IQCJ: variants seen among roughly 807,000 people sequenced by gnomAD.
IQCJ encodes the protein IQ motif containing J.
In IQCJ, 9 loss-of-function variants were observed where a neutral mutation model predicts 11.0. The ratio of observed to expected loss-of-function variants is 0.82; its 90% CI spans 0.49 to 1.43. The LOEUF (loss-of-function observed/expected upper bound fraction) is 1.43, where lower values mean the gene tolerates loss of function less well. Among genes scored for constraint, IQCJ ranks in the 40% most tolerant of loss-of-function variants. IQCJ has a pLI of 0.00. For missense variants in IQCJ, 146 were observed against 133.2 expected (o/e 1.10, Z -0.47); for synonymous variants, 55 against 51.3 (o/e 1.07, Z -0.31).
At chr3:159,095,128 C>A (rs1340350126) in intron 1 of IQCJ, among the ~76,000 whole-genome samples, 1 of 151,714 alleles carries the variant, frequency 6.6e-6, no homozygotes, top group Non-Finnish European at 1.5e-5. Flanking sequence ...AATTTCTTGC[C>A]AATCAATTGC....
chr3:159,161,975 G>C (rs1721889241), intron 1 of IQCJ, among the ~76,000 whole-genome samples: 1 of 152,186 alleles, frequency 6.6e-6, no homozygotes, highest in Non-Finnish European at 1.5e-5. Flanking sequence ...GATGCCTCCA[G>C]CTTTGTTCTT....
intron 1 of IQCJ, among the ~76,000 whole-genome samples, chr3:159,106,210 TG>T (rs1478105005): frequency 1.3e-5 from 2 of 152,184 alleles, no homozygotes; most frequent in Non-Finnish European, 1.5e-5. Context: ...AGTGGAAGGC[TG>T]GGAGCTCTGT....
chr3:159,187,832 T>A (rs186862202), intron 1 of IQCJ, among the ~76,000 whole-genome samples: 1 of 152,136 alleles, frequency 6.6e-6, no homozygotes, highest in Non-Finnish European at 1.5e-5. Flanking sequence ...GAGTGAAAGC[T>A]TTTCCTCCCT....
At chr3:159,116,882 T>G (rs796480654) in intron 1 of IQCJ, among the ~76,000 whole-genome samples, 5 of 151,958 alleles carry the variant, frequency 3.3e-5, no homozygotes, top group African/African-American at 1.2e-4. Context: ...AGTTGAGATG[T>G]TCCTGAGAAG....
At position 159,102,323 on chromosome 3, in the gene IQCJ, A is replaced by G. The variant is rs923280845; in HGVS notation, c.9+32882A>G. Among the ~76,000 whole-genome samples the G allele has an allele frequency of 2.6e-4, 39 of 152,232 alleles. 1 individual carries two copies. Among genetic ancestry groups the G allele is most frequent in the Non-Finnish European group, 7.3e-5 (5 of 68,044 alleles). On this transcript the variant is annotated intron_variant, in intron 1 of 3. Coordinates refer to ENST00000397832, the MANE Select transcript of IQCJ (RefSeq NM_001042706.3). Reference sequence around the variant, plus strand: ...TACAGTACACCTTGGTAATAGTATTATCCTTCTAAGCACCTAAGGAGAAGA... The same window carrying G: ...TACAGTACACCTTGGTAATAGTATTGTCCTTCTAAGCACCTAAGGAGAAGA...
Position 159,110,989 on chromosome 3 carries a change from A to G in IQCJ, c.9+41548A>G, listed in dbSNP as rs73027612. On this transcript the variant is annotated intron_variant, in intron 1 of 3. Coordinates refer to ENST00000397832, the MANE Select transcript of IQCJ (RefSeq NM_001042706.3). ...ATATGACTAGATCCTTTATGATAACAGAAGAGGCTTTCAGCAAACCTTATT... is the reference window on the plus strand; with the variant it reads ...ATATGACTAGATCCTTTATGATAACGGAAGAGGCTTTCAGCAAACCTTATT... Among the ~76,000 whole-genome samples, 1,091 of 152,352 alleles carry G rather than the reference A, an allele frequency of 7.2e-3. 12 individuals carry two copies. The highest frequency in any genetic ancestry group is 0.025 in the African/African-American group (1,035 of 41,584).
intron 1 of IQCJ, among the ~76,000 whole-genome samples, chr3:159,085,672 T>A (rs1281330878): frequency 6.6e-6 from 1 of 151,272 alleles, no homozygotes; most frequent in South Asian, 2.1e-4. Context: ...TGGCCAGTGA[T>A]GATAAGCATT....
chr3:159,178,770 GTTA>G (rs1168162404), intron 1 of IQCJ, among the ~76,000 whole-genome samples: 1 of 152,104 alleles, frequency 6.6e-6, no homozygotes, highest in Non-Finnish European at 1.5e-5. Context: ...CAGGGGAAGT[GTTA>G]TTATCTCAGT....
chr3:159,115,267 A>G (rs73164352), intron 1 of IQCJ, among the ~76,000 whole-genome samples: 42,132 of 152,162 alleles, frequency 0.28, 7,074 homozygotes, highest in Non-Finnish European at 0.39. Context: ...CTTCTAGGCA[A>G]GGCCTCATCC....
intron 1 of IQCJ, among the ~76,000 whole-genome samples, chr3:159,124,291 G>A (rs969848804): frequency 2.0e-5 from 3 of 152,142 alleles, no homozygotes; most frequent in African/African-American, 4.8e-5. Flanking sequence ...CTCATCCGAC[G>A]CAGATCCACT....
At chr3:159,126,529 A>G (rs558695482) in intron 1 of IQCJ, among the ~76,000 whole-genome samples, 1 of 152,364 alleles carries the variant, frequency 6.6e-6, no homozygotes, top group African/African-American at 2.4e-5. Flanking sequence ...GGAACAGGCT[A>G]TGTTTAATTC....
At chr3:159,125,011 A>G (rs935838629) in intron 1 of IQCJ, among the ~76,000 whole-genome samples, 1 of 152,042 alleles carries the variant, frequency 6.6e-6, no homozygotes, top group Non-Finnish European at 1.5e-5. Context: ...CAAGGTACCC[A>G]CTCCTTTAGT....
Position 159,093,089 on chromosome 3 carries a change from A to T in IQCJ, c.9+23648A>T, listed in dbSNP as rs187555490. 3.8e-3 allele frequency among the ~76,000 whole-genome samples: 578 copies of T among 151,288 alleles called. 16 individuals are homozygous for T. Among genetic ancestry groups the T allele is most frequent in the African/African-American group, 0.013 (538 of 40,898 alleles). ...TTTATCTGCTTTTTGATTCCTTTTC[A>T]CCTCCATACCTTCTTAGCAACAATG... On this transcript the variant is annotated intron_variant, in intron 1 of 3. Transcript: ENST00000397832.
chr3:159,160,980 C>T lies in IQCJ; in HGVS notation c.10-84863C>T, dbSNP rs565933522. 2.4e-3 allele frequency among the ~76,000 whole-genome samples: 371 copies of T among 152,100 alleles called. 1 individual carries two copies. Among genetic ancestry groups the T allele is most frequent in the Non-Finnish European group, 4.2e-3 (284 of 68,012 alleles). ...AAGTCTTTGCTATTATGAATAATGC[C>T]GCAATAAACATACGTGTGCATGTGT... is the stretch of plus-strand genomic sequence containing the variant. On this transcript the variant is annotated intron_variant, in intron 1 of 3. Transcript: ENST00000397832.
intron 1 of IQCJ, among the ~76,000 whole-genome samples, chr3:159,245,455 A>ATTT (rs1727205911): frequency 2.2e-5 from 3 of 134,928 alleles, no homozygotes; most frequent in Admixed American, 7.4e-5. Context: ...AAAGTCCTGA[A>ATTT]TTCTTTTTTT....
At chr3:159,089,164 C>T (rs1311670128) in intron 1 of IQCJ, among the ~76,000 whole-genome samples, 2 of 151,926 alleles carry the variant, frequency 1.3e-5, no homozygotes, top group Non-Finnish European at 2.9e-5. Context: ...TATTTTAGTT[C>T]TCCTTCACTT....
intron 1 of IQCJ, among the ~76,000 whole-genome samples, chr3:159,217,778 C>A (rs922058650): frequency 1.3e-5 from 2 of 152,092 alleles, no homozygotes; most frequent in African/African-American, 4.8e-5. Flanking sequence ...GTCTTCCCTG[C>A]AATATTACCT....
At chr3:159,089,432 T>C (rs370440216) in intron 1 of IQCJ, among the ~76,000 whole-genome samples, 2 of 151,970 alleles carry the variant, frequency 1.3e-5, no homozygotes, top group African/African-American at 4.8e-5. Context: ...ATCTTTGTGG[T>C]GTTCTCTGTA....
chr3:159,086,543 C>G (rs1220506148), intron 1 of IQCJ, among the ~76,000 whole-genome samples: 1 of 152,180 alleles, frequency 6.6e-6, no homozygotes, highest in African/African-American at 2.4e-5. Flanking sequence ...TTCTTTCTAC[C>G]CGTGAGCATG....
Sources: gnomAD v4.1 joint callset for allele counts (sites outside exome capture counted in the v4.1 genomes callset) on GRCh38, gnomAD v4.1.1 for gene constraint, MANE v1.5 for transcripts, NCBI Gene and HGNC (gene_info 2026-07-23, HGNC 2026-07-21) for gene names.